Variants in ZNF226 observed in about 807,000 individuals in gnomAD.
The protein encoded by ZNF226 is zinc finger protein 226.
ZNF226 carries 6 observed loss-of-function variants against 11.4 expected under a neutral mutation model. The ratio of observed to expected loss-of-function variants is 0.53; its 90% CI spans 0.29 to 1.04. The LOEUF (loss-of-function observed/expected upper bound fraction) is 1.04, where lower values mean the gene tolerates loss of function less well. Ranked by LOEUF, ZNF226 falls within the 50% of genes least tolerant of loss-of-function variation. The pLI is 0.08. For synonymous variants in ZNF226, 350 were observed against 322.8 expected, an observed-to-expected ratio of 1.08 and a Z score of -0.90; for missense variants, 1,058 against 956.5, an observed-to-expected ratio of 1.11 and a Z score of -1.40.
the ZNF226 span, among the ~76,000 whole-genome samples, chr19:44,191,980 G>T: frequency 1.3e-5 from 2 of 152,166 alleles, no homozygotes. Context: ...TGAGCCTGAT[G>T]AAAAGGTACT....
At chr19:44,179,528 G>C (rs1970874993), downstream of ZNF226, among the ~76,000 whole-genome samples, 1 of 152,152 alleles carries the variant, frequency 6.6e-6, no homozygotes, top group Non-Finnish European at 1.5e-5. Flanking sequence ...AGATGCATTG[G>C]TAAGAGTGAA....
intron 5 of ZNF226, chr19:44,173,613 C>G (rs1970369884): frequency 6.6e-6 from 1 of 152,402 alleles, no homozygotes; most frequent in Non-Finnish European, 1.5e-5. Flanking sequence ...TACAAAAAAT[C>G]AGCTGGGCGT....
downstream of ZNF226, chr19:44,178,126 C>G (rs1970847427): frequency 6.2e-6 from 1 of 160,060 alleles, no homozygotes; most frequent in African/African-American, 2.4e-5. Flanking sequence ...AGTCGGGAGA[C>G]CATTGAAATG....
At chr19:44,188,731 AC>A in the ZNF226 span, among the ~76,000 whole-genome samples, 2 of 152,150 alleles carry the variant, frequency 1.3e-5, no homozygotes, top group African/African-American at 4.8e-5. Flanking sequence ...GTCTCTTGTG[AC>A]AGTTTTTGTC....
chr19:44,174,969 C>T, intron 5 of ZNF226: 2 of 1,608,896 alleles, frequency 1.2e-6, no homozygotes, highest in Middle Eastern at 1.7e-4. Context: ...CTTTCTAGTT[C>T]TTTTTGTATT....
downstream of ZNF226, chr19:44,177,897 T>A: frequency 4.3e-6 from 2 of 466,450 alleles, no homozygotes; most frequent in East Asian, 7.5e-5. Context: ...TATAAAAGTA[T>A]CATGGTGGAC....
At chr19:44,188,078 T>G in the ZNF226 span, among the ~76,000 whole-genome samples, 2 of 152,176 alleles carry the variant, frequency 1.3e-5, no homozygotes, top group Non-Finnish European at 1.5e-5. Context: ...CATGCACACT[T>G]GAGAAGAATG....
Position 44,177,061 on chromosome 19 carries a change from C to T in ZNF226, c.1799C>T (p.Ala600Val). Residue 600 changes from alanine (A) to valine (V), a missense_variant, in exon 6 of 6, where the codon GCA becomes GTA. Physicochemically the swap from Ala to Val is moderately conservative, Grantham distance 64. Coordinates refer to ENST00000337433, the MANE Select transcript of ZNF226 (RefSeq NM_001032373.2). ...TGTGGCAAGGGATTTAGTCGTAGAGCAGATCTTAAAATTCACTGTAGGATC... is the reference window on the plus strand; with the variant it reads ...TGTGGCAAGGGATTTAGTCGTAGAGTAGATCTTAAAATTCACTGTAGGATC... ...EECGKGFSRR[A>V]DLKIHCRIHT... The T allele has an allele frequency of 6.2e-7, 1 of 1,613,956 alleles. No individual in the cohort carries two copies. Among genetic ancestry groups the T allele is most frequent in the Non-Finnish European group, 8.5e-7 (1 of 1,179,974 alleles).
the ZNF226 span, among the ~76,000 whole-genome samples, chr19:44,188,324 A>G: frequency 6.6e-6 from 1 of 152,222 alleles, no homozygotes; most frequent in South Asian, 2.1e-4. Flanking sequence ...ATATATATTT[A>G]CGTAGCCCTC....
chr19:44,188,055 T>C, the ZNF226 span, among the ~76,000 whole-genome samples: 1 of 152,194 alleles, frequency 6.6e-6, no homozygotes, highest in Non-Finnish European at 1.5e-5. Context: ...ATGGTCTATC[T>C]TGGAGAATGT....
chr19:44,193,444 C>CT, the ZNF226 span, among the ~76,000 whole-genome samples: 13 of 149,650 alleles, frequency 8.7e-5, 1 homozygote, highest in South Asian at 1.1e-3. Flanking sequence ...TATTGCTAAT[C>CT]TTTTTTTTTT....
chr19:44,179,285 A>T (rs1308717384), downstream of ZNF226, among the ~76,000 whole-genome samples: 1 of 152,138 alleles, frequency 6.6e-6, no homozygotes, highest in African/African-American at 2.4e-5. Context: ...GAATGCAGGA[A>T]TTTTTTTCAC....
downstream of ZNF226, among the ~76,000 whole-genome samples, chr19:44,178,760 TG>T (rs1265705658): frequency 2.0e-5 from 3 of 152,126 alleles, no homozygotes; most frequent in Non-Finnish European, 4.4e-5. Flanking sequence ...AAGTAGAAAA[TG>T]TAAGTAGCAC....
At chr19:44,189,300 C>A in the ZNF226 span, among the ~76,000 whole-genome samples, 1 of 152,116 alleles carries the variant, frequency 6.6e-6, no homozygotes, top group Non-Finnish European at 1.5e-5. Flanking sequence ...AGCCATGAAC[C>A]TGGGCTTAAA....
intron 5 of ZNF226, chr19:44,173,295 C>T (rs1218399269): frequency 5.5e-6 from 2 of 363,566 alleles, no homozygotes; most frequent in African/African-American, 2.1e-5. Flanking sequence ...CTTCTATACT[C>T]TCTTTCTGTG....
rs1599738560 is a variant in ZNF226, at chr19:44,176,835, C to A, written c.1573C>A (p.His525Asn). 1 of 1,614,008 alleles carries A rather than the reference C, an allele frequency of 6.2e-7. No individual in the cohort carries two copies. The highest frequency in any genetic ancestry group is 2.2e-5 in the East Asian group (1 of 44,852). ...NSHYQVHLVV[H>N]TGEKPYKCEI... ...CCATTATCAAGTTCATCTAGTGGTC[C>A]ACACAGGAGAGAAACCCTATAAATG... is the stretch of plus-strand genomic sequence containing the variant. The change falls in exon 6 of 6, where the codon CAC becomes AAC. Residue 525 changes from histidine (H) to asparagine (N), a missense_variant. Physicochemically the swap from His to Asn is moderately conservative, Grantham distance 68. Transcript: ENST00000337433.
In ZNF226 at chr19:44,177,460, G is replaced by A; in HGVS notation, c.2198G>A (p.Gly733Asp). ...GEKPYKCDVC[G>D]KVFSRSSQLQ... is the part of the protein sequence containing the mutation. ...AAACCATACAAATGTGATGTGTGTG[G>A]TAAAGTCTTCAGTCGGTCTTCACAA... is the stretch of plus-strand genomic sequence containing the variant. The change falls in exon 6 of 6, where the codon GGT becomes GAT. Residue 733 changes from glycine (G) to aspartate (D), a missense_variant. Physicochemically the swap from Gly to Asp is moderately conservative, Grantham distance 94. Coordinates refer to ENST00000337433, the MANE Select transcript of ZNF226 (RefSeq NM_001032373.2). The A allele has an allele frequency of 6.2e-7, 1 of 1,614,182 alleles. No individual in the cohort carries two copies. Among genetic ancestry groups the A allele is most frequent in the Non-Finnish European group, 8.5e-7 (1 of 1,180,032 alleles).
the ZNF226 span, among the ~76,000 whole-genome samples, chr19:44,183,806 C>T: frequency 1.3e-5 from 2 of 152,118 alleles, no homozygotes; most frequent in Non-Finnish European, 2.9e-5. Flanking sequence ...TATAGAGAGC[C>T]ACCAAGCCAA....
chr19:44,165,503 G>C (rs1246274494), intron 1 of ZNF226: 2 of 152,136 alleles, frequency 1.3e-5, no homozygotes, highest in African/African-American at 2.4e-5. Flanking sequence ...CTTCCTAATA[G>C]AATGTTTTGA....
Sources: gnomAD v4.1 joint callset for allele counts (sites outside exome capture counted in the v4.1 genomes callset) on GRCh38, gnomAD v4.1.1 for gene constraint, MANE v1.5 for transcripts, NCBI Gene and HGNC (gene_info 2026-07-23, HGNC 2026-07-21) for gene names.